The following GABRB1 variants were observed in gnomAD, a reference collection of about 807,000 sequenced individuals.
GABRB1 encodes the protein gamma-aminobutyric acid type A receptor subunit beta1.
In GABRB1, 17 loss-of-function variants were observed where a neutral mutation model predicts 51.6. That is an observed-to-expected ratio of 0.33 (90% CI 0.23 to 0.49). The LOEUF is 0.49. GABRB1 is among the 20% of genes least tolerant of loss of function. The pLI is 0.99. For missense variants in GABRB1, 410 were observed against 600.6 expected, an observed-to-expected ratio of 0.68 and a Z score of 3.32; for synonymous variants, 247 against 218.9, an observed-to-expected ratio of 1.13 and a Z score of -1.14.
At chr4:47,404,103 G>C (rs936619904) in intron 7 of GABRB1, among the ~76,000 whole-genome samples, 1 of 152,150 alleles carries the variant, frequency 6.6e-6, no homozygotes, top group African/African-American at 2.4e-5. Flanking sequence ...TAAACCTTGT[G>C]ACTAATAACA....
chr4:47,231,911 T>C (rs1366681113), intron 4 of GABRB1, among the ~76,000 whole-genome samples: 1 of 152,200 alleles, frequency 6.6e-6, no homozygotes, highest in African/African-American at 2.4e-5. Context: ...TCATTATCAT[T>C]AGCTTGTTGT....
At chr4:47,224,562 C>A (rs991067242) in intron 4 of GABRB1, among the ~76,000 whole-genome samples, 1 of 152,066 alleles carries the variant, frequency 6.6e-6, no homozygotes, top group South Asian at 2.1e-4. Flanking sequence ...AGGTCAAGAA[C>A]TTATACATCA....
chr4:47,166,325 C>A (rs1391832255), intron 4 of GABRB1, among the ~76,000 whole-genome samples: 1 of 152,012 alleles, frequency 6.6e-6, no homozygotes, highest in Admixed American at 6.6e-5. Context: ...TCCACCTCTT[C>A]CCTGTCATCC....
chr4:47,410,834 A>G (rs985289621), intron 8 of GABRB1, among the ~76,000 whole-genome samples: 6 of 152,224 alleles, frequency 3.9e-5, no homozygotes, highest in Non-Finnish European at 7.3e-5. Context: ...AAATCTCAAG[A>G]GGCTTATACC....
At chr4:47,363,774 G>A (rs1038376672) in intron 5 of GABRB1, among the ~76,000 whole-genome samples, 1 of 152,116 alleles carries the variant, frequency 6.6e-6, no homozygotes, top group African/African-American at 2.4e-5. Flanking sequence ...TCCAAGTTAA[G>A]CTCCATCAGA....
rs189209938 is a variant in GABRB1 at position 47,083,610 on chromosome 4, C to T, written c.240+51126C>T. On this transcript the variant is annotated intron_variant, in intron 3 of 8. Coordinates refer to ENST00000295454, the MANE Select transcript of GABRB1 (RefSeq NM_000812.4). ...TCAGTAACTAAACTGGGGTAATATT[C>T]CCTGAGCTATTTCCTGGGTCTGTCA... Among the ~76,000 whole-genome samples the T allele has an allele frequency of 1.2e-4, 19 of 152,168 alleles. No homozygotes were observed. The East Asian group carries it at 3.3e-3, about 26-fold the overall frequency.
chr4:47,309,603 TTAAG>T (rs1486232614), intron 4 of GABRB1, among the ~76,000 whole-genome samples: 1 of 152,078 alleles, frequency 6.6e-6, no homozygotes, highest in East Asian at 1.9e-4. Context: ...AGCTGAATTG[TTAAG>T]TAAGTCACAG....
chr4:47,226,620 G>C (rs1720952076), intron 4 of GABRB1, among the ~76,000 whole-genome samples: 1 of 152,044 alleles, frequency 6.6e-6, no homozygotes, highest in South Asian at 2.1e-4. Context: ...CACAGAAAGA[G>C]GGATTATCAC....
intron 4 of GABRB1, among the ~76,000 whole-genome samples, chr4:47,228,490 T>C (rs1721029307): frequency 6.6e-6 from 1 of 152,108 alleles, no homozygotes; most frequent in African/African-American, 2.4e-5. Flanking sequence ...CAAGATGTAA[T>C]AATCTCTTTA....
chr4:47,180,579 A>T (rs1303636547), intron 4 of GABRB1, among the ~76,000 whole-genome samples: 1 of 152,040 alleles, frequency 6.6e-6, no homozygotes, highest in East Asian at 1.9e-4. Flanking sequence ...GATCAACTTA[A>T]CATTTATAAA....
chr4:47,040,369 A>G (rs1725787016), intron 3 of GABRB1, among the ~76,000 whole-genome samples: 1 of 152,214 alleles, frequency 6.6e-6, no homozygotes, highest in African/African-American at 2.4e-5. Flanking sequence ...ATAGATGCCT[A>G]AACTAGTACT....
intron 4 of GABRB1, among the ~76,000 whole-genome samples, chr4:47,225,758 A>G (rs1284387258): frequency 6.6e-6 from 1 of 152,186 alleles, no homozygotes; most frequent in Admixed American, 6.5e-5. Flanking sequence ...AATTCTGATT[A>G]GATCTGTTAA....
intron 4 of GABRB1, among the ~76,000 whole-genome samples, chr4:47,273,234 C>T (rs538898784): frequency 3.9e-5 from 6 of 152,276 alleles, no homozygotes; most frequent in African/African-American, 1.4e-4. Context: ...AAAATCCTCC[C>T]AGGCAGCTAC....
At chr4:47,091,039 C>G (rs1165095509) in intron 3 of GABRB1, among the ~76,000 whole-genome samples, 3 of 151,976 alleles carry the variant, frequency 2.0e-5, no homozygotes, top group Non-Finnish European at 4.4e-5. Flanking sequence ...GCAACTTCCC[C>G]CATCCCACCC....
At chr4:47,344,324 A>T (rs1366510959) in intron 5 of GABRB1, among the ~76,000 whole-genome samples, 1 of 152,218 alleles carries the variant, frequency 6.6e-6, no homozygotes, top group Non-Finnish European at 1.5e-5. Flanking sequence ...AATATGAGAA[A>T]GGAACTGTGT....
At chr4:47,101,854 A>G (rs1218146289) in intron 3 of GABRB1, among the ~76,000 whole-genome samples, 4 of 152,048 alleles carry the variant, frequency 2.6e-5, no homozygotes, top group Admixed American at 6.6e-5. Context: ...TAGATATGGC[A>G]TGCTTATTTC....
rs1308705388 is a variant in GABRB1 at position 47,115,041 on chromosome 4, T to A, written c.241-46208T>A. ...ATCCAAGATTATAGTTCCCGTTCTCTGATACTGTTTTTCTACTATGTAACT... is the reference window on the plus strand; with the variant it reads ...ATCCAAGATTATAGTTCCCGTTCTCAGATACTGTTTTTCTACTATGTAACT... On this transcript the variant is annotated intron_variant, in intron 3 of 8. Coordinates refer to ENST00000295454, the MANE Select transcript of GABRB1 (RefSeq NM_000812.4). Among the ~76,000 whole-genome samples the A allele has an allele frequency of 2.6e-5, 4 of 152,326 alleles. No homozygotes were observed. In the East Asian group the frequency reaches 7.7e-4, roughly 29 times the overall value.
At position 47,247,131 on chromosome 4, in the gene GABRB1, T is replaced by A. The variant is rs76284969; in HGVS notation, c.462-72996T>A. On this transcript the variant is annotated intron_variant, in intron 4 of 8. Transcript: ENST00000295454. ...CATCTGGAATGGTTTTTCCATGTTA[T>A]CTTCTAGAATTTTTATAGTTTCAGA... Among the ~76,000 whole-genome samples, 905 of 152,288 alleles carry A rather than the reference T, an allele frequency of 5.9e-3. 12 individuals carry two copies. Among genetic ancestry groups the A allele is most frequent in the African/African-American group, 0.021 (855 of 41,568 alleles).
At chr4:47,159,322 T>A (rs1032521794) in intron 3 of GABRB1, among the ~76,000 whole-genome samples, 3 of 152,000 alleles carry the variant, frequency 2.0e-5, no homozygotes, top group Non-Finnish European at 2.9e-5. Flanking sequence ...GCATCTTAGG[T>A]GCAAGAGATT....
Sources: gnomAD v4.1 joint callset for allele counts (sites outside exome capture counted in the v4.1 genomes callset) on GRCh38, gnomAD v4.1.1 for gene constraint, MANE v1.5 for transcripts, NCBI Gene and HGNC (gene_info 2026-07-23, HGNC 2026-07-21) for gene names.